Variants in FXN observed in about 807,000 individuals in gnomAD.
FXN encodes the protein frataxin, mitochondrial.
FXN carries 14 observed loss-of-function variants against 22.4 expected under a neutral mutation model. That is an observed-to-expected ratio of 0.62 (90% confidence interval 0.41 to 0.98). FXN has a LOEUF of 0.98. Ranked by LOEUF, FXN falls within the 50% of genes least tolerant of loss-of-function variation. The pLI is 0.00. For missense variants in FXN, 267 were observed against 268.4 expected, an observed-to-expected ratio of 0.99 and a Z score of 0.04; for synonymous variants, 120 against 114.1, an observed-to-expected ratio of 1.05 and a Z score of -0.33.
intron 3 of FXN, among the ~76,000 whole-genome samples, chr9:69,059,169 G>A (rs550896572): frequency 2.6e-5 from 4 of 152,230 alleles, no homozygotes; most frequent in East Asian, 1.9e-4. Context: ...ACAGTTGGCC[G>A]CCTTTGATTA....
chr9:69,046,352 A>C (rs1438072748), intron 1 of FXN, 33 bp from the exon 2 acceptor site: 1 of 1,516,152 alleles, frequency 6.6e-7, no homozygotes, highest in Non-Finnish European at 9.2e-7. Context: ...TTCACTGAAA[A>C]ATAGTAACGT....
At chr9:69,054,206 G>A (rs375359929) in intron 3 of FXN, among the ~76,000 whole-genome samples, 29 of 152,278 alleles carry the variant, frequency 1.9e-4, no homozygotes, top group African/African-American at 7.0e-4. Context: ...CACCATGTTG[G>A]TTAGGCTGGT....
chr9:69,061,446 A>G (rs888853689), intron 3 of FXN, among the ~76,000 whole-genome samples: 1 of 152,114 alleles, frequency 6.6e-6, no homozygotes. Flanking sequence ...TATAGGGTGC[A>G]ACACACAACT....
chr9:69,061,952 G>A (rs1832081336), intron 3 of FXN, among the ~76,000 whole-genome samples: 1 of 152,046 alleles, frequency 6.6e-6, no homozygotes, highest in Non-Finnish European at 1.5e-5. Flanking sequence ...TTATCTCATG[G>A]AAAAATAATT....
At chr9:69,047,761 A>T (rs1434425825) in intron 2 of FXN, among the ~76,000 whole-genome samples, 1 of 151,794 alleles carries the variant, frequency 6.6e-6, no homozygotes, top group Non-Finnish European at 1.5e-5. Flanking sequence ...CCTGAGACCC[A>T]GGCTGGAGTG....
At chr9:69,037,548 G>A (rs1831586830) in intron 1 of FXN, among the ~76,000 whole-genome samples, 1 of 152,198 alleles carries the variant, frequency 6.6e-6, no homozygotes, top group African/African-American at 2.4e-5. Flanking sequence ...TGGCCATGAT[G>A]GTCCTTAGAT....
intron 4 of FXN, among the ~76,000 whole-genome samples, chr9:69,070,796 T>G (rs1436305508): frequency 1.9e-5 from 2 of 106,734 alleles, no homozygotes; most frequent in African/African-American, 3.7e-5. Flanking sequence ...TTCTGATTTT[T>G]GTTTTGTTTT....
chr9:69,074,784 C>G lies in FXN; in HGVS notation c.*2022C>G. 6 of 921,002 alleles carry G rather than the reference C, an allele frequency of 6.5e-6. No homozygotes were observed. Among genetic ancestry groups the G allele is most frequent in the Non-Finnish European group, 7.8e-6 (6 of 771,426 alleles). The allele number at this position is 921,002 out of a possible 1,614,324, so 57.1% of individuals were successfully genotyped here. A position where few individuals can be genotyped will look rare whatever the true frequency, so the allele number is the denominator to read the frequency against. On this transcript the variant is annotated 3_prime_UTR_variant, in exon 5 of 5. Coordinates refer to ENST00000484259, the MANE Select transcript of FXN (RefSeq NM_000144.5). ...AATAATAAAACAGTATAAACAAAAG[C>G]TAAATAGGTAAAATATTTTTTCTGA...
chr9:69,074,216 G>T lies in FXN; in HGVS notation c.*1454G>T. On this transcript the variant is annotated 3_prime_UTR_variant, in exon 5 of 5. Coordinates refer to ENST00000484259, the MANE Select transcript of FXN (RefSeq NM_000144.5). ...TAATAACAATATAATAATAATAATA[G>T]CCATCCTTTATTGTACCCTTACTGG... 1 of 889,780 alleles carries T rather than the reference G, an allele frequency of 1.1e-6. No homozygotes were observed. Among genetic ancestry groups the T allele is most frequent in the Non-Finnish European group, 1.3e-6 (1 of 744,646 alleles). The allele number at this position is 889,780 out of a possible 1,614,324, so 55.1% of individuals were successfully genotyped here. A position where few individuals can be genotyped will look rare whatever the true frequency, so the allele number is the denominator to read the frequency against.
At chr9:69,038,237 G>A (rs189961904) in intron 1 of FXN, among the ~76,000 whole-genome samples, 1 of 152,108 alleles carries the variant, frequency 6.6e-6, no homozygotes, top group Non-Finnish European at 1.5e-5. Flanking sequence ...GGCAACTGGG[G>A]CCACCATCCT....
At chr9:69,040,073 C>A (rs183754785) in intron 1 of FXN, among the ~76,000 whole-genome samples, 16 of 152,294 alleles carry the variant, frequency 1.1e-4, no homozygotes, top group African/African-American at 3.8e-4. Context: ...AAGGCCCCAC[C>A]TCTCAATACT....
intron 4 of FXN, among the ~76,000 whole-genome samples, chr9:69,065,637 A>G (rs1246854583): frequency 2.0e-5 from 3 of 151,784 alleles, no homozygotes; most frequent in Non-Finnish European, 1.5e-5. Context: ...AGAAAAGTTT[A>G]CTCTAGTTAC....
At chr9:69,053,507 G>GGATAGATAGATA (rs746766848) in intron 3 of FXN, among the ~76,000 whole-genome samples, 1 of 150,664 alleles carries the variant, frequency 6.6e-6, no homozygotes, top group African/African-American at 2.5e-5. Flanking sequence ...ATGGATGGAT[G>GGATAGATAGATA]GATAGATAGA....
At chr9:69,037,416 A>G (rs1587813247) in intron 1 of FXN, among the ~76,000 whole-genome samples, 2 of 152,126 alleles carry the variant, frequency 1.3e-5, no homozygotes, top group East Asian at 1.9e-4. Flanking sequence ...CATTAAGCCA[A>G]GATCGCCCAA....
At chr9:69,065,183 T>C in intron 4 of FXN, 148 bp downstream of exon 4, 1 of 698,524 alleles carries the variant, frequency 1.4e-6, no homozygotes, top group South Asian at 1.5e-5. Flanking sequence ...GGAGGATCAC[T>C]TGAGGACAGG....
At chr9:69,059,389 A>ATTTT (rs1329506700) in intron 3 of FXN, among the ~76,000 whole-genome samples, 6 of 50,004 alleles carry the variant, frequency 1.2e-4, no homozygotes, top group Non-Finnish European at 1.7e-4. Context: ...CAGAGGCAGC[A>ATTTT]TCTTTTTTTT....
chr9:69,057,270 GTT>G (rs1007540817), intron 3 of FXN, among the ~76,000 whole-genome samples: 7 of 152,142 alleles, frequency 4.6e-5, no homozygotes, highest in Admixed American at 4.6e-4. Flanking sequence ...TTAGAATTTT[GTT>G]TTTATTTCTC....
At chr9:69,061,840 T>A (rs1181413378) in intron 3 of FXN, among the ~76,000 whole-genome samples, 1 of 152,200 alleles carries the variant, frequency 6.6e-6, no homozygotes, top group Non-Finnish European at 1.5e-5. Context: ...TCCATGTCCC[T>A]ACAAAGGACA....
In FXN at chr9:69,075,052, C is replaced by CT. The variant is rs1357024879; in HGVS notation, c.*2292dup. Reference sequence around the variant, plus strand: ...AAGTGGAAGTTAAGGAATCTGGGCTCTTATGGGGTCCTTGTGGGCCAGCCC... The same window carrying CT: ...AAGTGGAAGTTAAGGAATCTGGGCTCTTTATGGGGTCCTTGTGGGCCAGCCC... On this transcript the variant is annotated 3_prime_UTR_variant, in exon 5 of 5. Transcript: ENST00000484259. 6 of 985,286 alleles carry CT rather than the reference C, an allele frequency of 6.1e-6. No individual in the cohort carries two copies. The highest frequency in any genetic ancestry group is 1.1e-4 in the East Asian group (1 of 8,830). The allele number at this position is 985,286 out of a possible 1,614,324, so 61.0% of individuals were successfully genotyped here. A position where few individuals can be genotyped will look rare whatever the true frequency, so the allele number is the denominator to read the frequency against.
Sources: gnomAD v4.1 joint callset for allele counts (sites outside exome capture counted in the v4.1 genomes callset) on GRCh38, gnomAD v4.1.1 for gene constraint, MANE v1.5 for transcripts, NCBI Gene and HGNC (gene_info 2026-07-23, HGNC 2026-07-21) for gene names.